Variants in UGT1A8 observed in about 807,000 individuals in gnomAD.
UGT1A8 encodes UDP glucuronosyltransferase family 1 member A8.
A neutral mutation model predicts 45.3 loss-of-function variants in UGT1A8; 39 were observed. That is an observed-to-expected ratio of 0.86 (90% CI 0.67 to 1.12). The LOEUF (loss-of-function observed/expected upper bound fraction) is 1.12. UGT1A8 is among the 50% of genes most tolerant of loss of function. The pLI is 0.00. For missense variants in UGT1A8, 719 were observed against 664.9 expected (o/e 1.08, Z -0.90); for synonymous variants, 275 against 249.2 (o/e 1.10, Z -0.97).
At chr2:233,672,580 G>A in intron 1 of UGT1A8, 1 of 1,613,860 alleles carries the variant, frequency 6.2e-7, no homozygotes, top group Non-Finnish European at 8.5e-7. Flanking sequence ...GCACTTGGAG[G>A]AACATTTATT....
chr2:233,710,827 C>T (rs1223443223), intron 1 of UGT1A8, among the ~76,000 whole-genome samples: 2 of 152,170 alleles, frequency 1.3e-5, no homozygotes, highest in East Asian at 3.8e-4. Context: ...GAATCTTTGT[C>T]TACCAAAAGG....
intron 1 of UGT1A8, among the ~76,000 whole-genome samples, chr2:233,727,779 C>T (rs1053796621): frequency 3.3e-5 from 5 of 152,220 alleles, no homozygotes; most frequent in East Asian, 1.9e-4. Flanking sequence ...CCCCAGTAGA[C>T]GCTTCCATTC....
At chr2:233,621,469 C>G (rs1239384590) in intron 1 of UGT1A8, among the ~76,000 whole-genome samples, 1 of 152,152 alleles carries the variant, frequency 6.6e-6, no homozygotes, top group Non-Finnish European at 1.5e-5. Context: ...GTGCTTCCCC[C>G]ATTCCTCTAA....
At chr2:233,762,469 A>G (rs1394204644) in intron 1 of UGT1A8, among the ~76,000 whole-genome samples, 1 of 152,192 alleles carries the variant, frequency 6.6e-6, no homozygotes, top group African/African-American at 2.4e-5. Context: ...AATGTCATGG[A>G]TATCACTCCA....
chr2:233,699,261 T>C (rs1175214024), intron 1 of UGT1A8, among the ~76,000 whole-genome samples: 4 of 152,162 alleles, frequency 2.6e-5, no homozygotes, highest in Non-Finnish European at 2.9e-5. Context: ...CCTCTTCCTA[T>C]AGGGGCTTGA....
At chr2:233,723,367 A>C (rs1057114040) in intron 1 of UGT1A8, among the ~76,000 whole-genome samples, 6 of 125,432 alleles carry the variant, frequency 4.8e-5, no homozygotes, top group Middle Eastern at 3.9e-3. Context: ...ACGTCACCAC[A>C]CCTGGCTAAT....
chr2:233,721,992 G>T, intron 1 of UGT1A8: 1 of 260,508 alleles, frequency 3.8e-6, no homozygotes, highest in African/African-American at 2.2e-5. Flanking sequence ...TTTCACGAAT[G>T]TCCTTTAAGT....
At chr2:233,682,051 G>T (rs200190624) in intron 1 of UGT1A8, 1 of 1,614,102 alleles carries the variant, frequency 6.2e-7, no homozygotes. Context: ...GGAGCCACTG[G>T]TTCACCATGC....
At chr2:233,672,364 G>T (rs757285311) in intron 1 of UGT1A8, 1 of 1,613,980 alleles carries the variant, frequency 6.2e-7, no homozygotes, top group Non-Finnish European at 8.5e-7. Context: ...TTCTTTTGAT[G>T]CAGTGTTTCT....
In UGT1A8 at chr2:233,729,401, A is replaced by G. The variant is rs1464724125; in HGVS notation, c.856-37633A>G. ...TGGACCCAGGATGAATTTGATCGCCATGTGCTGGGCCACACTCAACTGTAC... is the reference window on the plus strand; with the variant it reads ...TGGACCCAGGATGAATTTGATCGCCGTGTGCTGGGCCACACTCAACTGTAC... On this transcript the variant is annotated intron_variant, in intron 1 of 4. Coordinates refer to ENST00000373450, the MANE Select transcript of UGT1A8 (RefSeq NM_019076.5). 1.2e-6 allele frequency: 2 copies of G among 1,613,850 alleles called. No homozygotes were observed. The highest frequency in any genetic ancestry group is 3.3e-5 in the Admixed American group (2 of 60,024).
chr2:233,654,537 T>C (rs879911181), intron 1 of UGT1A8, among the ~76,000 whole-genome samples: 3 of 152,212 alleles, frequency 2.0e-5, no homozygotes. Flanking sequence ...CTGCAGTTGA[T>C]TATATATTCA....
At chr2:233,661,631 CTTT>C (rs2073967792) in intron 1 of UGT1A8, among the ~76,000 whole-genome samples, 1 of 122,328 alleles carries the variant, frequency 8.2e-6, no homozygotes, top group African/African-American at 2.8e-5. Flanking sequence ...AATTTTCTTT[CTTT>C]CTTTCTTTCT....
rs971663174 is a variant in UGT1A8 at position 233,648,974 on chromosome 2, A to G, written c.855+30412A>G. 1.0e-5 allele frequency: 15 copies of G among 1,439,980 alleles called. No individual in the cohort carries two copies. The African/African-American group carries it at 1.5e-4, about 15-fold the overall frequency. The allele number at this position is 1,439,980 out of a possible 1,614,324, so 89.2% of individuals were successfully genotyped here. A position where few individuals can be genotyped will look rare whatever the true frequency, so the allele number is the denominator to read the frequency against. ...GAGTATCCCAAACCTGTGATGCCCA[A>G]TATGATCTTCATTGGTGGTATCAAC... On this transcript the variant is annotated intron_variant, in intron 1 of 4. Coordinates refer to ENST00000373450, the MANE Select transcript of UGT1A8 (RefSeq NM_019076.5).
At chr2:233,632,431 G>A (rs1175205934) in intron 1 of UGT1A8, among the ~76,000 whole-genome samples, 3 of 152,080 alleles carry the variant, frequency 2.0e-5, no homozygotes, top group Non-Finnish European at 2.9e-5. Context: ...TCAGCAGTAC[G>A]GCCATTTTCA....
intron 1 of UGT1A8, chr2:233,741,975 C>T (rs1043950383): frequency 3.3e-5 from 5 of 151,844 alleles, no homozygotes; most frequent in African/African-American, 4.9e-5. Flanking sequence ...TTTATGGTGC[C>T]TCACCCAAAA....
At chr2:233,701,673 A>T (rs544272724) in intron 1 of UGT1A8, among the ~76,000 whole-genome samples, 2 of 152,338 alleles carry the variant, frequency 1.3e-5, no homozygotes, top group South Asian at 4.1e-4. Context: ...TCAAACTAGA[A>T]CTCAGAATTA....
chr2:233,741,733 T>C (rs968212915), intron 1 of UGT1A8: 2 of 151,882 alleles, frequency 1.3e-5, no homozygotes, highest in African/African-American at 4.9e-5. Flanking sequence ...TCCAAACCCA[T>C]ATCACACTCT....
intron 1 of UGT1A8, chr2:233,721,796 C>T (rs1393362336): frequency 5.8e-6 from 3 of 513,526 alleles, no homozygotes; most frequent in African/African-American, 3.9e-5. Context: ...TTTTAAAGCA[C>T]ATGCAGCAAA....
intron 1 of UGT1A8, among the ~76,000 whole-genome samples, 177 bp from the exon 2 acceptor site, chr2:233,766,857 A>C (rs1004098004): frequency 1.3e-5 from 2 of 152,224 alleles, no homozygotes; most frequent in Non-Finnish European, 2.9e-5. Flanking sequence ...CTTTAGAAGG[A>C]AGTAAAGGAG....
Sources: gnomAD v4.1 joint callset for allele counts (sites outside exome capture counted in the v4.1 genomes callset) on GRCh38, gnomAD v4.1.1 for gene constraint, MANE v1.5 for transcripts, NCBI Gene and HGNC (gene_info 2026-07-23, HGNC 2026-07-21) for gene names.